The following SYNJ2BP variants were observed in gnomAD, a reference collection of about 807,000 sequenced individuals.
SYNJ2BP encodes the protein synaptojanin 2 binding protein, also known as synaptojanin-2-binding protein.
In SYNJ2BP, 10 loss-of-function variants were observed where a neutral mutation model predicts 16.9. The observed-to-expected ratio is 0.59, with a 90% CI of 0.36 to 1.00. The LOEUF (loss-of-function observed/expected upper bound fraction) is 1.00, where lower values mean the gene tolerates loss of function less well. Ranked by LOEUF, SYNJ2BP falls within the 50% of genes least tolerant of loss-of-function variation. The pLI is 0.01. For missense variants in SYNJ2BP, 162 were observed against 186.7 expected, an observed-to-expected ratio of 0.87 and a Z score of 0.77; for synonymous variants, 54 against 68.4, an observed-to-expected ratio of 0.79 and a Z score of 1.04.
chr14:70,387,286 C>A (rs1887879719), intron 2 of SYNJ2BP, among the ~76,000 whole-genome samples: 1 of 152,212 alleles, frequency 6.6e-6, no homozygotes, highest in Non-Finnish European at 1.5e-5. Flanking sequence ...CAACTATACT[C>A]CCTTATCCCC....
Position 70,388,543 on chromosome 14 carries a change from T to C in SYNJ2BP, c.128A>G (p.Tyr43Cys). The C allele has an allele frequency of 6.2e-7, 1 of 1,600,496 alleles. No individual in the cohort carries two copies. The highest frequency in any genetic ancestry group is 8.5e-7 in the Non-Finnish European group (1 of 1,173,790). ...CCCATTTTCTTTGATGCGGCTGACGTAGATGCCACTGTCGTTGGAGACATA... is the reference window on the plus strand; with the variant it reads ...CCCATTTTCTTTGATGCGGCTGACGCAGATGCCACTGTCGTTGGAGACATA... The part of the protein sequence containing the change: ...QQYVSNDSGI[Y>C]VSRIKENGAA... Residue 43 changes from tyrosine (Y) to cysteine (C), a missense_variant, in exon 2 of 4, where the codon TAC becomes TGC. Coordinates refer to ENST00000256366, the MANE Select transcript of SYNJ2BP (RefSeq NM_018373.3).
At chr14:70,377,742 T>G (rs1243741233) in intron 2 of SYNJ2BP, among the ~76,000 whole-genome samples, 1 of 152,210 alleles carries the variant, frequency 6.6e-6, no homozygotes, top group Non-Finnish European at 1.5e-5. Context: ...ACACTCTGTC[T>G]TCTTGATTAC....
At chr14:70,396,145 G>T (rs1250980129) in intron 1 of SYNJ2BP, among the ~76,000 whole-genome samples, 1 of 152,116 alleles carries the variant, frequency 6.6e-6, no homozygotes, top group Non-Finnish European at 1.5e-5. Context: ...TTGAGATGGA[G>T]TCTTGCTCTG....
At chr14:70,397,585 C>T (rs555206701) in intron 1 of SYNJ2BP, among the ~76,000 whole-genome samples, 47 of 152,256 alleles carry the variant, frequency 3.1e-4, no homozygotes, top group African/African-American at 9.4e-4. Context: ...AGGCGTAGCG[C>T]GAGCAGCTTC....
chr14:70,389,592 G>A (rs1010170657), intron 1 of SYNJ2BP, among the ~76,000 whole-genome samples: 3 of 152,008 alleles, frequency 2.0e-5, no homozygotes, highest in Non-Finnish European at 4.4e-5. Flanking sequence ...TTGAATTTGG[G>A]GGATTTTGGA....
At chr14:70,396,384 TG>T (rs892703084) in intron 1 of SYNJ2BP, among the ~76,000 whole-genome samples, 5 of 152,196 alleles carry the variant, frequency 3.3e-5, no homozygotes, top group Non-Finnish European at 7.3e-5. Flanking sequence ...CCCAAAGTGC[TG>T]GGATTACAGG....
At chr14:70,393,907 CATG>C (rs1227911069) in intron 1 of SYNJ2BP, among the ~76,000 whole-genome samples, 2 of 141,902 alleles carry the variant, frequency 1.4e-5, no homozygotes, top group African/African-American at 5.3e-5. Context: ...CACCATGGCA[CATG>C]TATACCTATG....
At chr14:70,378,122 C>G (rs1014777407) in intron 2 of SYNJ2BP, among the ~76,000 whole-genome samples, 3 of 152,152 alleles carry the variant, frequency 2.0e-5, no homozygotes, top group African/African-American at 7.2e-5. Flanking sequence ...TTAAATTATT[C>G]CTTTCCGGAT....
chr14:70,386,953 C>A lies in SYNJ2BP; in HGVS notation c.201+1517G>T, dbSNP rs180804232. Among the ~76,000 whole-genome samples, 6 of 152,318 alleles carry A rather than the reference C, an allele frequency of 3.9e-5. No homozygotes were observed. In the East Asian group the frequency reaches 9.6e-4, roughly 24 times the overall value. ...TCTGTACTTCATTCATTTATTTCAACGTTTTCCCAACGTGGCCATCTTGCC... is the reference window on the plus strand; with the variant it reads ...TCTGTACTTCATTCATTTATTTCAAAGTTTTCCCAACGTGGCCATCTTGCC... On this transcript the variant is annotated intron_variant, in intron 2 of 3. Coordinates refer to ENST00000256366, the MANE Select transcript of SYNJ2BP (RefSeq NM_018373.3).
intron 2 of SYNJ2BP, among the ~76,000 whole-genome samples, chr14:70,386,493 G>C (rs10142700): frequency 0.036 from 5,516 of 152,250 alleles, 121 homozygotes; most frequent in Middle Eastern, 0.075. Flanking sequence ...AGCTAATTTA[G>C]GTGGCTCTAA....
chr14:70,403,654 T>A (rs768062111), intron 1 of SYNJ2BP, among the ~76,000 whole-genome samples: 5 of 152,194 alleles, frequency 3.3e-5, no homozygotes, highest in Non-Finnish European at 7.4e-5. Context: ...AGGGGAGGCA[T>A]AAATAATCCA....
chr14:70,399,673 G>A (rs1594955641), intron 1 of SYNJ2BP, among the ~76,000 whole-genome samples: 1 of 152,218 alleles, frequency 6.6e-6, no homozygotes, highest in Non-Finnish European at 1.5e-5. Context: ...TTCCCCCTCT[G>A]AAGAGGAACA....
intron 1 of SYNJ2BP, among the ~76,000 whole-genome samples, chr14:70,398,521 A>G (rs971285093): frequency 6.6e-6 from 1 of 152,196 alleles, no homozygotes; most frequent in Admixed American, 6.5e-5. Context: ...CACTGCCCTA[A>G]GTGTGTACAC....
chr14:70,407,654 TA>T lies in SYNJ2BP; in HGVS notation c.64+9245del, dbSNP rs112324297. Among the ~76,000 whole-genome samples the T allele has an allele frequency of 2.1e-3, 304 of 145,440 alleles. 1 individual carries two copies. Among genetic ancestry groups the T allele is most frequent in the Non-Finnish European group, 3.6e-3 (239 of 65,760 alleles). On this transcript the variant is annotated intron_variant, in intron 1 of 3. Transcript: ENST00000256366. Reference sequence around the variant, plus strand: ...GTATATCCCCAAGATAAAATCAAAGTAAAAAAAAAAACATAGAAGATGAAGT... The same window carrying T: ...GTATATCCCCAAGATAAAATCAAAGTAAAAAAAAAACATAGAAGATGAAGT...
At chr14:70,375,641 C>T in intron 3 of SYNJ2BP, 35 bp downstream of exon 3, 1 of 1,599,816 alleles carries the variant, frequency 6.3e-7, no homozygotes, top group Non-Finnish European at 8.5e-7. Context: ...GTGCAAAAGC[C>T]TGGTGCCAGG....
intron 1 of SYNJ2BP, 114 bp from the exon 2 acceptor site, chr14:70,388,720 G>A (rs1887914752): frequency 6.7e-6 from 9 of 1,338,414 alleles, no homozygotes; most frequent in Non-Finnish European, 8.6e-6. Context: ...TGATGGAGAG[G>A]AGATGCTGGC....
At chr14:70,410,153 G>A (rs1888439410) in intron 1 of SYNJ2BP, among the ~76,000 whole-genome samples, 1 of 152,052 alleles carries the variant, frequency 6.6e-6, no homozygotes, top group African/African-American at 2.4e-5. Context: ...GGTGGCTCAC[G>A]CCTGTAATCC....
Position 70,417,004 on chromosome 14 carries a change from G to A in SYNJ2BP, c.-41C>T, listed in dbSNP as rs748211126. ...TGGCTTCCTACTTGGGTCAGCTGGAGTGCAGCACAGGTGAAGGTGAATCAA... is the reference window on the plus strand; with the variant it reads ...TGGCTTCCTACTTGGGTCAGCTGGAATGCAGCACAGGTGAAGGTGAATCAA... On this transcript the variant is annotated 5_prime_UTR_variant, in exon 1 of 4. Coordinates refer to ENST00000256366, the MANE Select transcript of SYNJ2BP (RefSeq NM_018373.3). The A allele has an allele frequency of 1.2e-6, 2 of 1,613,932 alleles. No individual in the cohort carries two copies. The highest frequency in any genetic ancestry group is 2.7e-5 in the African/African-American group (2 of 74,902).
chr14:70,384,318 C>T (rs1366141996), intron 2 of SYNJ2BP, among the ~76,000 whole-genome samples: 1 of 152,066 alleles, frequency 6.6e-6, no homozygotes. Flanking sequence ...GGAGAAATAA[C>T]CTATGCGTGG....
Sources: allele counts gnomAD v4.1 joint callset (sites outside exome capture counted in the v4.1 genomes callset), GRCh38; gene constraint gnomAD v4.1.1; transcripts MANE v1.5; gene names NCBI Gene and HGNC (gene_info 2026-07-23, HGNC 2026-07-21).